TMEM116: variants seen among roughly 807,000 people sequenced by gnomAD.
The protein encoded by TMEM116 is transmembrane protein 116.
TMEM116 carries 38 observed loss-of-function variants against 44.3 expected under a neutral mutation model. That is an observed-to-expected ratio of 0.86 (90% CI 0.66 to 1.12). The LOEUF is 1.12. TMEM116 is among the 50% of genes most tolerant of loss of function. TMEM116 has a pLI of 0.00. For synonymous variants in TMEM116, 132 were observed against 144.8 expected, an observed-to-expected ratio of 0.91 and a Z score of 0.64; for missense variants, 354 against 401.7, an observed-to-expected ratio of 0.88 and a Z score of 1.01.
intron 4 of TMEM116, among the ~76,000 whole-genome samples, chr12:111,977,904 T>A (rs1414421267): frequency 6.6e-6 from 1 of 151,838 alleles, no homozygotes; most frequent in African/African-American, 2.4e-5. Context: ...ACTTAAAAAT[T>A]AAGTATAATT....
intron 4 of TMEM116, among the ~76,000 whole-genome samples, chr12:111,954,686 C>A (rs1395684102): frequency 2.6e-5 from 4 of 152,210 alleles, no homozygotes; most frequent in Non-Finnish European, 5.9e-5. Context: ...AAGCCTTAAA[C>A]TTCATGTCAT....
At chr12:112,004,288 AT>A (rs76506669) in intron 2 of TMEM116, among the ~76,000 whole-genome samples, 660 of 140,848 alleles carry the variant, frequency 4.7e-3, no homozygotes, top group Admixed American at 4.6e-3. Context: ...CCCTGCACAT[AT>A]TTTTTTTTTT....
intron 1 of TMEM116, among the ~76,000 whole-genome samples, chr12:112,008,658 G>C (rs1593700395): frequency 6.6e-6 from 1 of 152,036 alleles, no homozygotes; most frequent in South Asian, 2.1e-4. Context: ...TAACCAAAAA[G>C]TTTTCTAAAA....
At chr12:111,949,903 T>TC (rs2073581889) in intron 4 of TMEM116, among the ~76,000 whole-genome samples, 1 of 152,030 alleles carries the variant, frequency 6.6e-6, no homozygotes, top group South Asian at 2.1e-4. Context: ...TCACCTGAGG[T>TC]CAGGAGTTCA....
chr12:111,944,563 G>A (rs533953186), intron 4 of TMEM116, among the ~76,000 whole-genome samples: 1 of 152,268 alleles, frequency 6.6e-6, no homozygotes, highest in Non-Finnish European at 1.5e-5. Flanking sequence ...TGAGCTGAGC[G>A]ACAGAATTCA....
intron 4 of TMEM116, among the ~76,000 whole-genome samples, chr12:111,955,061 A>T (rs1036949386): frequency 6.6e-6 from 1 of 152,224 alleles, no homozygotes; most frequent in African/African-American, 2.4e-5. Context: ...TAACAAGGAG[A>T]TGTAAAGAAA....
At chr12:112,004,478 G>T (rs975314074) in intron 2 of TMEM116, among the ~76,000 whole-genome samples, 2 of 151,884 alleles carry the variant, frequency 1.3e-5, no homozygotes, top group Admixed American at 1.3e-4. Flanking sequence ...GTAGAGACAG[G>T]GTCTCGCTAT....
At chr12:111,957,982 C>T (rs1360956931) in intron 4 of TMEM116, among the ~76,000 whole-genome samples, 1 of 152,084 alleles carries the variant, frequency 6.6e-6, no homozygotes, top group African/African-American at 2.4e-5. Context: ...ACCCCCAACC[C>T]CGTGCTCTCT....
At chr12:111,934,261 C>T (rs1359190600) in intron 8 of TMEM116, 1 of 462,352 alleles carries the variant, frequency 2.2e-6, no homozygotes, top group Non-Finnish European at 3.9e-6. Flanking sequence ...ACTTGTGTAT[C>T]ACGTTTAACA....
intron 3 of TMEM116, among the ~76,000 whole-genome samples, chr12:111,994,888 T>C (rs1732948502): frequency 6.6e-6 from 1 of 152,166 alleles, no homozygotes; most frequent in African/African-American, 2.4e-5. Flanking sequence ...TATAACCCTA[T>C]CTTATCCATA....
intron 5 of TMEM116, among the ~76,000 whole-genome samples, chr12:111,940,540 T>TACACAC (rs1565874264): frequency 2.8e-5 from 3 of 105,938 alleles, no homozygotes; most frequent in Admixed American, 8.9e-5. Flanking sequence ...TATATATATA[T>TACACAC]ATATACACAC....
Position 111,943,280 on chromosome 12 carries a change from C to A in TMEM116, c.300G>T (p.Gln100His), listed in dbSNP as rs1410121020. Residue 100 changes from glutamine to histidine, a missense_variant, in exon 5 of 11, where the codon CAG becomes CAT. Coordinates refer to ENST00000552374, the MANE Select transcript of TMEM116 (RefSeq NM_001193531.2). ...TAAAACTTACCAGTGGAGATGTGCT[C>A]TGTCCACTCTGGGTGTGTTTCATCC... ...ELRMKHTQSGQSTSPLVIDYT... is the reference protein window; with the variant it reads ...ELRMKHTQSGHSTSPLVIDYT... 2 of 1,613,038 alleles carry A rather than the reference C, an allele frequency of 1.2e-6. No individual in the cohort carries two copies. Among genetic ancestry groups the A allele is most frequent in the African/African-American group, 1.3e-5 (1 of 74,888 alleles).
At chr12:112,003,285 A>G (rs7306804) in intron 3 of TMEM116, among the ~76,000 whole-genome samples, 54,104 of 152,056 alleles carry the variant, frequency 0.36, 14,102 homozygotes, top group East Asian at 0.85. Context: ...AGTTAATCTC[A>G]GGGCTGGGCG....
intron 4 of TMEM116, among the ~76,000 whole-genome samples, chr12:111,953,603 C>A (rs1197487011): frequency 6.6e-6 from 1 of 152,206 alleles, no homozygotes; most frequent in East Asian, 1.9e-4. Context: ...AGTACTTATG[C>A]AAGGATATCT....
intron 3 of TMEM116, chr12:111,993,357 G>A (rs1313888514): frequency 1.9e-6 from 1 of 528,476 alleles, no homozygotes; most frequent in African/African-American, 1.9e-5. Flanking sequence ...TAAAGGACAG[G>A]CTCTGACTTT....
chr12:111,936,550 T>G, intron 8 of TMEM116, 142 bp downstream of exon 8: 1 of 806,474 alleles, frequency 1.2e-6, no homozygotes, highest in East Asian at 2.8e-5. Flanking sequence ...GTAATTATAT[T>G]GTCAAGATCT....
intron 1 of TMEM116, chr12:112,011,930 T>C (rs1300539516): frequency 6.6e-6 from 1 of 152,226 alleles, no homozygotes; most frequent in African/African-American, 2.4e-5. Context: ...GTGCTGTTTC[T>C]ACACACAAAT....
chr12:111,971,569 G>A (rs547345374), intron 4 of TMEM116, among the ~76,000 whole-genome samples: 1 of 150,500 alleles, frequency 6.6e-6, no homozygotes, highest in African/African-American at 2.4e-5. Flanking sequence ...ACAAAATGTA[G>A]TAGATTAATC....
chr12:111,931,312 G>A lies in TMEM116; in HGVS notation c.*309C>T. ...AATGACACATATAAATAATAATCTAGAATTTATTTTTTCTAGAAGAGACTT... is the reference window on the plus strand; with the variant it reads ...AATGACACATATAAATAATAATCTAAAATTTATTTTTTCTAGAAGAGACTT... On this transcript the variant is annotated 3_prime_UTR_variant, in exon 11 of 11. Coordinates refer to ENST00000552374, the MANE Select transcript of TMEM116 (RefSeq NM_001193531.2). 2 of 311,454 alleles carry A rather than the reference G, an allele frequency of 6.4e-6. No homozygotes were observed. Among genetic ancestry groups the A allele is most frequent in the South Asian group, 7.8e-5 (2 of 25,494 alleles). The allele number at this position is 311,454 out of a possible 1,614,324, so 19.3% of individuals were successfully genotyped here.
Sources: gnomAD v4.1 joint callset for allele counts (sites outside exome capture counted in the v4.1 genomes callset) on GRCh38, gnomAD v4.1.1 for gene constraint, MANE v1.5 for transcripts, NCBI Gene and HGNC (gene_info 2026-07-23, HGNC 2026-07-21) for gene names.